LRFN2: variants seen among roughly 807,000 people sequenced by gnomAD.
LRFN2 encodes the protein leucine rich repeat and fibronectin type III domain containing 2.
In LRFN2, 18 loss-of-function variants were observed where a neutral mutation model predicts 37.3. That is an observed-to-expected ratio of 0.48 (90% confidence interval 0.33 to 0.72). The LOEUF is 0.72. Ranked by LOEUF, LRFN2 falls within the 30% of genes least tolerant of loss-of-function variation. LRFN2 has a pLI of 0.02. For synonymous variants in LRFN2, 556 were observed against 466.6 expected (o/e 1.19, Z -2.47); for missense variants, 1,006 against 1,060.7 (o/e 0.95, Z 0.72).
chr6:40,457,106 T>A (rs1237716368), intron 1 of LRFN2, among the ~76,000 whole-genome samples: 1 of 150,926 alleles, frequency 6.6e-6, no homozygotes, highest in Non-Finnish European at 1.5e-5. Flanking sequence ...TATCAAAACA[T>A]ACCTGTTCTA....
chr6:40,396,880 C>T (rs1401020721), intron 2 of LRFN2, among the ~76,000 whole-genome samples: 1 of 152,154 alleles, frequency 6.6e-6, no homozygotes, highest in African/African-American at 2.4e-5. Context: ...CAGTATTTGC[C>T]TAGCACTTAC....
chr6:40,448,803 C>T (rs1283915080), intron 1 of LRFN2, among the ~76,000 whole-genome samples: 1 of 152,202 alleles, frequency 6.6e-6, no homozygotes, highest in African/African-American at 2.4e-5. Flanking sequence ...ACACTTCCGG[C>T]TTCAATTCCC....
chr6:40,479,582 G>T (rs1764781609), intron 1 of LRFN2, among the ~76,000 whole-genome samples: 1 of 152,194 alleles, frequency 6.6e-6, no homozygotes, highest in South Asian at 2.1e-4. Context: ...TCTCTTTCCT[G>T]CTGTGGTCCC....
At chr6:40,556,045 C>T (rs532977414) in intron 1 of LRFN2, among the ~76,000 whole-genome samples, 2 of 152,326 alleles carry the variant, frequency 1.3e-5, no homozygotes, top group South Asian at 4.1e-4. Flanking sequence ...CACACGCCGA[C>T]CGTCACTGTC....
At chr6:40,504,061 TC>T (rs1257422931) in intron 1 of LRFN2, among the ~76,000 whole-genome samples, 1 of 152,038 alleles carries the variant, frequency 6.6e-6, no homozygotes, top group Non-Finnish European at 1.5e-5. Context: ...GCAGTTCACT[TC>T]CTAGAATAAA....
chr6:40,396,115 T>C (rs1762609716), intron 2 of LRFN2, among the ~76,000 whole-genome samples: 1 of 152,166 alleles, frequency 6.6e-6, no homozygotes, highest in African/African-American at 2.4e-5. Flanking sequence ...CATGAGGGCT[T>C]ACTCTGTGCC....
At chr6:40,404,825 T>G (rs1180912289) in intron 2 of LRFN2, among the ~76,000 whole-genome samples, 1 of 152,244 alleles carries the variant, frequency 6.6e-6, no homozygotes, top group Non-Finnish European at 1.5e-5. Flanking sequence ...TCTCTGAGGC[T>G]CTGGACAACT....
chr6:40,488,462 C>G (rs1159524079), intron 1 of LRFN2, among the ~76,000 whole-genome samples: 1 of 152,008 alleles, frequency 6.6e-6, no homozygotes, highest in Non-Finnish European at 1.5e-5. Context: ...ATCCTCCAAG[C>G]CTCCCTCCTG....
chr6:40,494,778 T>A (rs1056096121), intron 1 of LRFN2, among the ~76,000 whole-genome samples: 4 of 152,210 alleles, frequency 2.6e-5, no homozygotes, highest in African/African-American at 9.6e-5. Flanking sequence ...TCTCACTCTC[T>A]ACTCCTATGC....
At chr6:40,499,358 A>G (rs1302488156) in intron 1 of LRFN2, among the ~76,000 whole-genome samples, 1 of 151,904 alleles carries the variant, frequency 6.6e-6, no homozygotes, top group Non-Finnish European at 1.5e-5. Context: ...CTGAGCCATT[A>G]CATTACAACC....
chr6:40,459,445 AAC>A (rs1764300965), intron 1 of LRFN2, among the ~76,000 whole-genome samples: 1 of 152,198 alleles, frequency 6.6e-6, no homozygotes, highest in South Asian at 2.1e-4. Context: ...GTAAATTGCA[AAC>A]ACTGTCTTTT....
chr6:40,427,444 C>T (rs144167295), intron 2 of LRFN2, among the ~76,000 whole-genome samples: 402 of 152,324 alleles, frequency 2.6e-3, no homozygotes, highest in African/African-American at 9.2e-3. Context: ...TCCAACTGGA[C>T]CTGTCACTCC....
At chr6:40,480,365 C>A (rs915390112) in intron 1 of LRFN2, among the ~76,000 whole-genome samples, 3 of 152,122 alleles carry the variant, frequency 2.0e-5, no homozygotes, top group Non-Finnish European at 4.4e-5. Context: ...GCAGCCTCAA[C>A]CTCCCTGGGC....
intron 2 of LRFN2, among the ~76,000 whole-genome samples, chr6:40,411,313 G>A (rs149464183): frequency 5.3e-4 from 80 of 152,318 alleles, no homozygotes; most frequent in African/African-American, 1.7e-3. Flanking sequence ...AAACGGGCAC[G>A]GTAGGAGTAG....
Position 40,503,316 on chromosome 6 carries a change from G to A in LRFN2, c.-18-70185C>T, listed in dbSNP as rs552138525. On this transcript the variant is annotated intron_variant, in intron 1 of 2. Coordinates refer to ENST00000338305, the MANE Select transcript of LRFN2 (RefSeq NM_020737.3). ...GGCTGTAGTGAAAGAACTGGAGAGAGATCAGTTCTCCCACAGCTACTCAGG... is the reference window on the plus strand; with the variant it reads ...GGCTGTAGTGAAAGAACTGGAGAGAAATCAGTTCTCCCACAGCTACTCAGG... 2.2e-4 allele frequency among the ~76,000 whole-genome samples: 34 copies of A among 152,284 alleles called. No individual in the cohort carries two copies. The South Asian group carries it at 6.7e-3, about 30-fold the overall frequency.
intron 1 of LRFN2, among the ~76,000 whole-genome samples, chr6:40,543,741 C>T (rs1376539442): frequency 6.6e-6 from 1 of 152,222 alleles, no homozygotes; most frequent in Admixed American, 6.5e-5. Context: ...TCTTTTGTAT[C>T]AGCAAAAAGC....
chr6:40,445,013 C>T (rs1177228259), intron 1 of LRFN2, among the ~76,000 whole-genome samples: 1 of 152,084 alleles, frequency 6.6e-6, no homozygotes, highest in Non-Finnish European at 1.5e-5. Context: ...CACCTCACCC[C>T]CCCAGGGACC....
chr6:40,494,512 T>A (rs1437918728), intron 1 of LRFN2, among the ~76,000 whole-genome samples: 1 of 152,206 alleles, frequency 6.6e-6, no homozygotes, highest in Non-Finnish European at 1.5e-5. Context: ...AGATTAATCA[T>A]CAGTTGATGA....
chr6:40,412,502 G>A (rs1324576885), intron 2 of LRFN2, among the ~76,000 whole-genome samples: 1 of 152,186 alleles, frequency 6.6e-6, no homozygotes, highest in Admixed American at 6.5e-5. Flanking sequence ...CTCAGACCAT[G>A]CAGGACCTGG....
Sources: gnomAD v4.1 joint callset for allele counts (sites outside exome capture counted in the v4.1 genomes callset) on GRCh38, gnomAD v4.1.1 for gene constraint, MANE v1.5 for transcripts, NCBI Gene and HGNC (gene_info 2026-07-23, HGNC 2026-07-21) for gene names.